Variants in PDCD11 observed in about 807,000 individuals in gnomAD.
PDCD11 encodes the protein programmed cell death 11, also known as protein RRP5 homolog.
In PDCD11, 97 loss-of-function variants were observed where a neutral mutation model predicts 198.9. That is an observed-to-expected ratio of 0.49 (90% CI 0.41 to 0.58). PDCD11 has a LOEUF of 0.58. PDCD11 is among the 20% of genes least tolerant of loss of function. The pLI is 0.00. For synonymous variants in PDCD11, 893 were observed against 918.0 expected (o/e 0.97, Z 0.49); for missense variants, 2,102 against 2,312.7 (o/e 0.91, Z 1.87).
chr10:103,412,245 C>T (rs968058153), intron 8 of PDCD11, among the ~76,000 whole-genome samples: 13 of 152,000 alleles, frequency 8.6e-5, no homozygotes, highest in Admixed American at 8.5e-4. Context: ...ACTGCAACCT[C>T]TGCCTCCCCA....
At chr10:103,400,721 C>G (rs1436678391) in intron 3 of PDCD11, among the ~76,000 whole-genome samples, 193 bp downstream of exon 3, 2 of 152,054 alleles carry the variant, frequency 1.3e-5, no homozygotes, top group Non-Finnish European at 2.9e-5. Context: ...CCATTGCTAA[C>G]CGATGCCAGG....
chr10:103,400,574 T>C (rs1468226911), intron 3 of PDCD11, 46 bp downstream of exon 3: 3 of 1,564,772 alleles, frequency 1.9e-6, no homozygotes, highest in Non-Finnish European at 2.6e-6. Context: ...CTTGGTTGCT[T>C]AAGTTTGTGT....
intron 1 of PDCD11, among the ~76,000 whole-genome samples, 176 bp from the exon 2 acceptor site, chr10:103,398,240 C>T (rs995602608): frequency 6.6e-6 from 1 of 152,164 alleles, no homozygotes; most frequent in Admixed American, 6.5e-5. Flanking sequence ...AAGCAGAGAC[C>T]TTTGGAAAGA....
chr10:103,423,213 T>C (rs1219373790), intron 18 of PDCD11, 76 bp downstream of exon 18: 1 of 1,403,294 alleles, frequency 7.1e-7, no homozygotes, highest in African/African-American at 1.5e-5. Flanking sequence ...GGATATAGAA[T>C]TTCTAAATAC....
At chr10:103,432,542 A>T (rs760235364) in intron 22 of PDCD11, among the ~76,000 whole-genome samples, 10 of 152,262 alleles carry the variant, frequency 6.6e-5, no homozygotes, top group Non-Finnish European at 1.5e-4. Flanking sequence ...TTTTAGATTC[A>T]TGCTTTTCAT....
intron 8 of PDCD11, among the ~76,000 whole-genome samples, chr10:103,410,884 G>A (rs1196939725): frequency 6.6e-6 from 1 of 151,652 alleles, no homozygotes; most frequent in Admixed American, 6.6e-5. Flanking sequence ...AACCAGCCTG[G>A]CCAGCATGGT....
At chr10:103,429,979 C>CTGTCT (rs1214571511) in intron 21 of PDCD11, among the ~76,000 whole-genome samples, 5 of 151,976 alleles carry the variant, frequency 3.3e-5, no homozygotes, top group African/African-American at 1.2e-4. Flanking sequence ...TCAGAATGTC[C>CTGTCT]TGTCTTTTCT....
rs2032567975 is a variant in PDCD11, at chr10:103,445,449, T to C, written c.5516T>C (p.Leu1839Pro). The C allele has an allele frequency of 6.2e-7, 1 of 1,614,194 alleles. No homozygotes were observed. The highest frequency in any genetic ancestry group is 8.5e-7 in the Non-Finnish European group (1 of 1,180,034). The change falls in exon 36 of 36, where the codon CTG becomes CCG. Residue 1839 changes from leucine to proline, a missense_variant. Leu to Pro is a moderately conservative substitution (Grantham distance 98). Coordinates refer to ENST00000369797, the MANE Select transcript of PDCD11 (RefSeq NM_014976.2). Reference protein sequence around the residue: ...KRMKFFFKRYLDYEKQHGTEK... With the variant: ...KRMKFFFKRYPDYEKQHGTEK... Reference sequence around the variant, plus strand: ...ATGAAGTTCTTCTTCAAGCGCTACCTGGACTACGAGAAGCAGCATGGCACT... The same window carrying C: ...ATGAAGTTCTTCTTCAAGCGCTACCCGGACTACGAGAAGCAGCATGGCACT...
Position 103,398,414 on chromosome 10 carries a change from A to C in PDCD11, c.-11-2A>C. 6.3e-7 allele frequency: 1 copy of C among 1,575,352 alleles called. No individual in the cohort carries two copies. Reference sequence around the variant, plus strand: ...CACCATTATCCTTTGCATTGTTTTTAGGAGACCCAAACATGGCAAACCTGG... The same window carrying C: ...CACCATTATCCTTTGCATTGTTTTTCGGAGACCCAAACATGGCAAACCTGG... On this transcript the variant is annotated splice_acceptor_variant, in intron 1 of 35. Coordinates refer to ENST00000369797, the MANE Select transcript of PDCD11 (RefSeq NM_014976.2). LOFTEE classifies it low-confidence loss of function (5UTR_SPLICE).
rs147201653 is a variant in PDCD11 at position 103,403,159 on chromosome 10, G to A, written c.276G>A (p.Glu92=). Residue 92 remains glutamate, a synonymous_variant, in exon 4 of 36, where the codon GAG becomes GAA. Coordinates refer to ENST00000369797, the MANE Select transcript of PDCD11 (RefSeq NM_014976.2). ...TGCGTATTTTGGGTTGCGTGAAAGAGGTGAATGAACTGGAACTGGTGATTA... is the reference window on the plus strand; with the variant it reads ...TGCGTATTTTGGGTTGCGTGAAAGAAGTGAATGAACTGGAACTGGTGATTA... ...EGMRILGCVK[E]VNELELVISL... is the part of the protein sequence containing the mutation. 1.2e-5 allele frequency: 19 copies of A among 1,614,058 alleles called. No homozygotes were observed. In the African/African-American group the frequency reaches 2.4e-4, roughly 20 times the overall value.
At chr10:103,415,189 A>G in intron 12 of PDCD11, 38 bp downstream of exon 12, 3 of 1,609,190 alleles carry the variant, frequency 1.9e-6, no homozygotes, top group South Asian at 2.2e-5. Flanking sequence ...TTTTGGCTAG[A>G]TGGGAAGAAA....
chr10:103,420,869 G>C lies in PDCD11; in HGVS notation c.2278-479G>C, dbSNP rs563752760. ...TCTGTTTTTTTTGTTGTTGTTGTTT[G>C]TTTTTGTTTTTGTTTTTTTTTTTTG... On this transcript the variant is annotated intron_variant, in intron 16 of 35. Coordinates refer to ENST00000369797, the MANE Select transcript of PDCD11 (RefSeq NM_014976.2). Among the ~76,000 whole-genome samples the C allele has an allele frequency of 2.6e-5, 4 of 151,054 alleles. No individual in the cohort carries two copies. In the East Asian group the frequency reaches 7.8e-4, roughly 29 times the overall value.
rs763876336 is a variant in PDCD11, at chr10:103,409,607, A to C, written c.871-92A>C. ...AGAGGAGAGATACACAGTTAGGGAT[A>C]CTATGGCATTGAGTGTTTACTGTGA... On this transcript the variant is annotated intron_variant, in intron 7 of 35. Coordinates refer to ENST00000369797, the MANE Select transcript of PDCD11 (RefSeq NM_014976.2). The C allele has an allele frequency of 5.0e-6, 4 of 801,924 alleles. No individual in the cohort carries two copies. The African/African-American group carries it at 6.8e-5, about 14-fold the overall frequency. 49.7% of individuals were successfully genotyped at this position (801,924 alleles called of 1,614,324 possible). A position where few individuals can be genotyped will look rare whatever the true frequency, so the allele number is the denominator to read the frequency against.
intron 30 of PDCD11, 79 bp from the exon 31 acceptor site, chr10:103,441,747 T>C (rs974913386): frequency 7.3e-6 from 10 of 1,364,786 alleles, no homozygotes; most frequent in African/African-American, 1.4e-5. Flanking sequence ...GAGTCCATGC[T>C]CCTCCAGGTG....
intron 8 of PDCD11, among the ~76,000 whole-genome samples, chr10:103,412,649 G>T (rs527248010): frequency 6.6e-6 from 1 of 152,114 alleles, no homozygotes; most frequent in South Asian, 2.1e-4. Flanking sequence ...ATTAAAACTA[G>T]AGATGAGGTT....
chr10:103,420,639 G>A (rs769265390), intron 16 of PDCD11, among the ~76,000 whole-genome samples: 7 of 152,062 alleles, frequency 4.6e-5, no homozygotes, highest in Non-Finnish European at 1.0e-4. Context: ...CTGTAGGCCT[G>A]TCTCCCTGGT....
chr10:103,402,107 G>C (rs1425230816), intron 3 of PDCD11, among the ~76,000 whole-genome samples: 4 of 152,226 alleles, frequency 2.6e-5, no homozygotes, highest in African/African-American at 9.6e-5. Context: ...TGAAAGTACT[G>C]ATAGCAGAAG....
At chr10:103,440,953 A>ATTTTAT (rs1435563534) in intron 30 of PDCD11, 103 bp downstream of exon 30, 1 of 806,608 alleles carries the variant, frequency 1.2e-6, no homozygotes, top group Non-Finnish European at 2.0e-6. Flanking sequence ...TAAAATACGA[A>ATTTTAT]AGCAGGGGCT....
intron 21 of PDCD11, among the ~76,000 whole-genome samples, chr10:103,430,816 T>G (rs2863730): frequency 0.37 from 55,481 of 150,704 alleles, 10,481 homozygotes; most frequent in South Asian, 0.58. Flanking sequence ...TTTTTTTTTT[T>G]AAATGGAGTT....
Sources: gnomAD v4.1 joint callset for allele counts (sites outside exome capture counted in the v4.1 genomes callset) on GRCh38, gnomAD v4.1.1 for gene constraint, MANE v1.5 for transcripts, NCBI Gene and HGNC (gene_info 2026-07-23, HGNC 2026-07-21) for gene names.